Variants in HUNK observed in about 807,000 individuals in gnomAD.
The protein encoded by HUNK is hormonally up-regulated Neu-associated kinase.
In HUNK, 21 loss-of-function variants were observed where a neutral mutation model predicts 61.0. That is an observed-to-expected ratio of 0.34 (90% CI 0.24 to 0.50). HUNK has a LOEUF of 0.50. HUNK is among the 20% of genes least tolerant of loss of function. The pLI is 0.98. For synonymous variants in HUNK, 371 were observed against 386.1 expected, an observed-to-expected ratio of 0.96 and a Z score of 0.46; for missense variants, 772 against 945.7, an observed-to-expected ratio of 0.82 and a Z score of 2.41.
intron 6 of HUNK, among the ~76,000 whole-genome samples, chr21:31,971,088 A>G (rs1275056745): frequency 1.3e-5 from 2 of 151,038 alleles, no homozygotes; most frequent in Non-Finnish European, 2.9e-5. Context: ...TTTATTATTT[A>G]TTTATTTTGA....
rs1351415020 is a variant in HUNK at position 31,968,319 on chromosome 21, TG to T, written c.946del (p.Ala316ArgfsTer28). The T allele has an allele frequency of 6.2e-7, 1 of 1,614,138 alleles. No homozygotes were observed. Among genetic ancestry groups the T allele is most frequent in the African/African-American group, 1.3e-5 (1 of 74,946 alleles). On this transcript the variant is annotated frameshift_variant, in exon 6 of 11. Coordinates refer to ENST00000270112, the MANE Select transcript of HUNK (RefSeq NM_014586.2). LOFTEE classifies it high-confidence loss of function. The part of the protein sequence containing the change: ...PVKRPNIQQA[L>X]ANRWLNENYT... ...AAGAGGCCAAATATTCAGCAGGCAC[TG>T]GCGAATCGCTGGCTTAATGAGAATT... is the stretch of plus-strand genomic sequence containing the variant.
intron 7 of HUNK, among the ~76,000 whole-genome samples, chr21:31,980,519 G>A (rs1043662705): frequency 8.6e-5 from 13 of 151,642 alleles, no homozygotes; most frequent in African/African-American, 3.2e-4. Flanking sequence ...TGGGATTACA[G>A]ACGCCTGCCT....
intron 3 of HUNK, among the ~76,000 whole-genome samples, chr21:31,942,165 G>A (rs560330335): frequency 2.3e-4 from 35 of 152,372 alleles, no homozygotes; most frequent in Non-Finnish European, 4.3e-4. Flanking sequence ...AGCCAAGATC[G>A]TGACACTGCA....
At chr21:31,874,580 C>T (rs1396879278) in intron 1 of HUNK, among the ~76,000 whole-genome samples, 1 of 149,756 alleles carries the variant, frequency 6.7e-6, no homozygotes, top group African/African-American at 2.4e-5. Flanking sequence ...ACTCAACCCT[C>T]CCACCCCTGC....
intron 5 of HUNK, among the ~76,000 whole-genome samples, chr21:31,959,753 T>C (rs1178380733): frequency 1.3e-5 from 2 of 152,254 alleles, no homozygotes; most frequent in Non-Finnish European, 2.9e-5. Context: ...TTAGCGATAG[T>C]TAAAATATAG....
intron 2 of HUNK, among the ~76,000 whole-genome samples, chr21:31,937,470 T>C (rs934806354): frequency 1.3e-5 from 2 of 152,202 alleles, no homozygotes; most frequent in Non-Finnish European, 2.9e-5. Flanking sequence ...TAAATGGGTG[T>C]GTATGATTTG....
intron 2 of HUNK, among the ~76,000 whole-genome samples, chr21:31,937,719 C>T (rs1331148184): frequency 6.6e-6 from 1 of 152,188 alleles, no homozygotes; most frequent in African/African-American, 2.4e-5. Flanking sequence ...TAGGAGGATG[C>T]AGCTTCAAAG....
intron 3 of HUNK, among the ~76,000 whole-genome samples, chr21:31,945,585 C>G (rs2052796530): frequency 6.6e-6 from 1 of 152,184 alleles, no homozygotes. Context: ...TTGCATGTCA[C>G]TGAGGGTGAC....
intron 1 of HUNK, among the ~76,000 whole-genome samples, chr21:31,895,696 C>T (rs774393349): frequency 6.6e-6 from 1 of 152,170 alleles, no homozygotes; most frequent in African/African-American, 2.4e-5. Flanking sequence ...TAGAGTTGCT[C>T]AGTGTGGCTT....
intron 6 of HUNK, among the ~76,000 whole-genome samples, chr21:31,970,170 A>T (rs2053000198): frequency 6.6e-6 from 1 of 152,174 alleles, no homozygotes; most frequent in African/African-American, 2.4e-5. Context: ...AGAAACACCC[A>T]CCAAGCCTTA....
rs1351465940 is a variant in HUNK at position 32,000,753 on chromosome 21, A to G, written c.*1569A>G. The G allele has an allele frequency of 5.0e-6, 2 of 398,552 alleles. No homozygotes were observed. The highest frequency in any genetic ancestry group is 4.4e-6 in the Non-Finnish European group (1 of 226,090). The allele number at this position is 398,552 out of a possible 1,614,324, so 24.7% of individuals were successfully genotyped here. Reference sequence around the variant, plus strand: ...CCAGAAGGCAGAGAGGCAGTTCTGAATCATTCTCTCATTCACCAGTGGTGA... The same window carrying G: ...CCAGAAGGCAGAGAGGCAGTTCTGAGTCATTCTCTCATTCACCAGTGGTGA... On this transcript the variant is annotated 3_prime_UTR_variant, in exon 11 of 11. Coordinates refer to ENST00000270112, the MANE Select transcript of HUNK (RefSeq NM_014586.2).
chr21:31,877,095 A>G (rs567959364), intron 1 of HUNK, among the ~76,000 whole-genome samples: 3 of 152,312 alleles, frequency 2.0e-5, no homozygotes, highest in African/African-American at 7.2e-5. Context: ...GAAAGAGGGC[A>G]TAGGGAAACA....
intron 1 of HUNK, among the ~76,000 whole-genome samples, chr21:31,915,607 G>A (rs1460512557): frequency 6.6e-6 from 1 of 151,884 alleles, no homozygotes; most frequent in Non-Finnish European, 1.5e-5. Context: ...TTTTACATCT[G>A]ACTTCTCATT....
At chr21:31,893,736 A>G (rs1432774258) in intron 1 of HUNK, among the ~76,000 whole-genome samples, 1 of 152,194 alleles carries the variant, frequency 6.6e-6, no homozygotes, top group African/African-American at 2.4e-5. Flanking sequence ...ATGGTTTGAG[A>G]AAGTTTGTGG....
intron 1 of HUNK, among the ~76,000 whole-genome samples, chr21:31,886,370 G>A (rs1017861051): frequency 1.3e-5 from 2 of 150,092 alleles, no homozygotes; most frequent in Admixed American, 6.7e-5. Flanking sequence ...ACGTTGCAGC[G>A]AGCCGAGATT....
intron 7 of HUNK, among the ~76,000 whole-genome samples, chr21:31,977,997 C>A (rs763854635): frequency 4.6e-5 from 7 of 152,240 alleles, no homozygotes; most frequent in Non-Finnish European, 1.0e-4. Flanking sequence ...TGCACCTGGC[C>A]TGAAGCTCTT....
At chr21:31,920,308 A>G (rs1319474429) in intron 1 of HUNK, among the ~76,000 whole-genome samples, 3 of 152,208 alleles carry the variant, frequency 2.0e-5, no homozygotes, top group Non-Finnish European at 2.9e-5. Flanking sequence ...CTTTTTCCAA[A>G]TAAAGTCACA....
chr21:31,942,723 A>G (rs1191169509), intron 3 of HUNK, among the ~76,000 whole-genome samples: 1 of 152,206 alleles, frequency 6.6e-6, no homozygotes, highest in Admixed American at 6.5e-5. Context: ...TATTTGGGAC[A>G]AAATCGGCTC....
At chr21:31,874,052 C>T (rs966658336) in intron 1 of HUNK, 117 bp downstream of exon 1, 1 of 745,136 alleles carries the variant, frequency 1.3e-6, no homozygotes, top group Non-Finnish European at 1.9e-6. Flanking sequence ...AGCGCCTTCC[C>T]CCTCCGCCCG....
Sources: gnomAD v4.1 joint callset for allele counts (sites outside exome capture counted in the v4.1 genomes callset) on GRCh38, gnomAD v4.1.1 for gene constraint, MANE v1.5 for transcripts, NCBI Gene and HGNC (gene_info 2026-07-23, HGNC 2026-07-21) for gene names.